Variants in SLC20A2 observed in about 807,000 individuals in gnomAD.
The protein encoded by SLC20A2 is sodium-dependent phosphate transporter 2.
Under a neutral mutation model 61.0 loss-of-function variants are expected in SLC20A2, and 30 were observed. The observed-to-expected ratio is 0.49, with a 90% confidence interval of 0.37 to 0.67. The LOEUF is 0.67. SLC20A2 is among the 30% of genes least tolerant of loss of function. The pLI, the probability that SLC20A2 is intolerant of heterozygous loss-of-function variation, is 0.00. For missense variants in SLC20A2, 626 were observed against 866.4 expected, an observed-to-expected ratio of 0.72 and a Z score of 3.48; for synonymous variants, 351 against 353.3, an observed-to-expected ratio of 0.99 and a Z score of 0.07.
chr8:42,469,568 C>T (rs1314486255), intron 2 of SLC20A2, among the ~76,000 whole-genome samples: 1 of 152,132 alleles, frequency 6.6e-6, no homozygotes, highest in Non-Finnish European at 1.5e-5. Flanking sequence ...GCTTCCCTAA[C>T]AAATTTCTTT....
intron 8 of SLC20A2, among the ~76,000 whole-genome samples, chr8:42,434,633 G>C (rs1441365731): frequency 6.6e-6 from 1 of 152,206 alleles, no homozygotes; most frequent in Non-Finnish European, 1.5e-5. Flanking sequence ...GAGACAGGGT[G>C]GGATAGGCCA....
intron 1 of SLC20A2, chr8:42,538,263 T>C (rs1028505055): frequency 6.7e-6 from 1 of 148,390 alleles, no homozygotes; most frequent in Non-Finnish European, 1.5e-5. Flanking sequence ...TATTACATTA[T>C]ATATTATAGG....
At chr8:42,465,705 G>T in intron 3 of SLC20A2, 72 bp downstream of exon 3, 9 of 1,269,258 alleles carry the variant, frequency 7.1e-6, no homozygotes, top group Non-Finnish European at 8.5e-6. Context: ...AAAAAAAAAA[G>T]TAACTTGTAA....
chr8:42,523,166 A>G (rs1811697874), intron 1 of SLC20A2, among the ~76,000 whole-genome samples: 1 of 152,134 alleles, frequency 6.6e-6, no homozygotes, highest in Non-Finnish European at 1.5e-5. Flanking sequence ...CCCCGTCTCT[A>G]CTAAAAATAC....
intron 4 of SLC20A2, among the ~76,000 whole-genome samples, chr8:42,461,328 TG>T (rs1175633051): frequency 6.6e-6 from 1 of 152,212 alleles, no homozygotes; most frequent in Non-Finnish European, 1.5e-5. Context: ...CTATGACCTA[TG>T]CCGTTTCCAT....
At chr8:42,529,781 T>C (rs1470401805) in intron 1 of SLC20A2, among the ~76,000 whole-genome samples, 1 of 152,224 alleles carries the variant, frequency 6.6e-6, no homozygotes, top group Admixed American at 6.5e-5. Context: ...CAGCTTAAAC[T>C]AAGCTTTGGA....
At chr8:42,452,580 AG>A (rs573660187) in intron 5 of SLC20A2, among the ~76,000 whole-genome samples, 101 of 148,794 alleles carry the variant, frequency 6.8e-4, no homozygotes, top group African/African-American at 2.4e-3. Context: ...AGGAGCGGGA[AG>A]AGGAAGAGAT....
rs1410761105 is a variant in SLC20A2 at position 42,520,682 on chromosome 8, T to C, written c.-265+21139A>G. On this transcript the variant is annotated intron_variant, in intron 1 of 10. Coordinates refer to the SLC20A2 transcript ENST00000342228. ...CGGAGCTTGCAGTGAGCTGAGATCA[T>C]GCCACTGCACTCCAGCCTGGGTGAC... Among the ~76,000 whole-genome samples the C allele has an allele frequency of 3.5e-5, 4 of 115,776 alleles. 1 individual carries two copies. Among genetic ancestry groups the C allele is most frequent in the African/African-American group, 7.8e-5 (3 of 38,246 alleles). The allele number at this position is 115,776 out of a possible 152,430, so 76.0% of individuals were successfully genotyped here.
At position 42,491,856 on chromosome 8, in the gene SLC20A2, A is replaced by T. The variant is rs186412142; in HGVS notation, c.-265+9175T>A. Among the ~76,000 whole-genome samples the T allele has an allele frequency of 1.1e-3, 171 of 152,266 alleles. 1 individual carries two copies. In the South Asian group the frequency reaches 0.012, roughly 10 times the overall value. On this transcript the variant is annotated intron_variant, in intron 1 of 10. Coordinates refer to ENST00000520262, the MANE Select transcript of SLC20A2 (RefSeq NM_001257180.2). ...TTTTAACACCTACTATTCCATCTTG[A>T]TGTGGCATTATGCACATCTATACTC...
chr8:42,441,510 C>T (rs768413604), intron 6 of SLC20A2, among the ~76,000 whole-genome samples: 5 of 150,808 alleles, frequency 3.3e-5, no homozygotes, highest in South Asian at 2.1e-4. Flanking sequence ...TACTCTGTTA[C>T]CAGACTGGAG....
intron 5 of SLC20A2, among the ~76,000 whole-genome samples, chr8:42,452,716 A>AGAG (rs1366521909): frequency 6.7e-6 from 1 of 149,908 alleles, no homozygotes; most frequent in Admixed American, 6.6e-5. Context: ...GAAGAGATGA[A>AGAG]GAGGAGGAGG....
chr8:42,464,023 C>T (rs1806914760), intron 3 of SLC20A2, among the ~76,000 whole-genome samples: 2 of 148,994 alleles, frequency 1.3e-5, no homozygotes, highest in African/African-American at 4.9e-5. Flanking sequence ...TTGGTCCCTG[C>T]CAGGCAGGCT....
chr8:42,445,081 C>G (rs1165907443), intron 5 of SLC20A2, among the ~76,000 whole-genome samples: 1 of 152,016 alleles, frequency 6.6e-6, no homozygotes, highest in Non-Finnish European at 1.5e-5. Context: ...CACCTGAGGT[C>G]AGGAGTTCGA....
intron 1 of SLC20A2, among the ~76,000 whole-genome samples, chr8:42,488,279 G>C (rs186142624): frequency 7.2e-6 from 1 of 138,018 alleles, no homozygotes; most frequent in African/African-American, 2.8e-5. Context: ...TCTGCCTCCC[G>C]GGTTCGACCG....
rs1196399076 is a variant in SLC20A2, at chr8:42,531,882, G to A, written c.-265+9939C>T. On this transcript the variant is annotated intron_variant, in intron 1 of 10. Transcript: ENST00000342228. Reference sequence around the variant, plus strand: ...CACCCAGGCTGGAGTGCAGTGGCGCGATCTCAGCTCACTGCAACCTCGGCC... The same window carrying A: ...CACCCAGGCTGGAGTGCAGTGGCGCAATCTCAGCTCACTGCAACCTCGGCC... Among the ~76,000 whole-genome samples the A allele has an allele frequency of 6.6e-5, 10 of 150,576 alleles. No individual in the cohort carries two copies. In the East Asian group the frequency reaches 7.8e-4, roughly 12 times the overall value.
chr8:42,459,501 C>T (rs1806534958), intron 5 of SLC20A2, among the ~76,000 whole-genome samples: 1 of 152,174 alleles, frequency 6.6e-6, no homozygotes, highest in South Asian at 2.1e-4. Flanking sequence ...AGGTGCTCCA[C>T]ACCCTCTCCT....
chr8:42,505,856 T>G (rs1274861740), upstream of SLC20A2, among the ~76,000 whole-genome samples: 1 of 150,466 alleles, frequency 6.6e-6, no homozygotes, highest in Non-Finnish European at 1.5e-5. Context: ...ACGCCACCAC[T>G]CCAGCCTGGA....
At chr8:42,517,394 A>C (rs1436571507) in intron 1 of SLC20A2, among the ~76,000 whole-genome samples, 1 of 151,666 alleles carries the variant, frequency 6.6e-6, no homozygotes, top group Non-Finnish European at 1.5e-5. Context: ...ATAATAAAAT[A>C]AATAAATAAG....
rs559753804 is a variant in SLC20A2, at chr8:42,540,978, A to G, written c.-265+843T>C. 3 of 152,280 alleles carry G rather than the reference A, an allele frequency of 2.0e-5. No homozygotes were observed. The East Asian group carries it at 5.8e-4, about 29-fold the overall frequency. The allele number at this position is 152,280 out of a possible 1,614,324, so 9.4% of individuals were successfully genotyped here. ...GAAAACACTACGGTGTCAGCCACGC[A>G]CCATTTAGGACGGGGAGAATGGAAA... On this transcript the variant is annotated intron_variant, in intron 1 of 10. Transcript: ENST00000342228.
Sources: gnomAD v4.1 joint callset for allele counts (sites outside exome capture counted in the v4.1 genomes callset) on GRCh38, gnomAD v4.1.1 for gene constraint, MANE v1.5 for transcripts, NCBI Gene and HGNC (gene_info 2026-07-23, HGNC 2026-07-21) for gene names.